Variants in AOC1 observed in about 807,000 individuals in gnomAD.
AOC1 encodes amine oxidase copper containing 1.
In AOC1, 58 loss-of-function variants were observed where a neutral mutation model predicts 57.1. The observed-to-expected ratio is 1.02, with a 90% CI of 0.82 to 1.26. The LOEUF (loss-of-function observed/expected upper bound fraction) is 1.26. Among genes scored for constraint, AOC1 ranks in the 50% most tolerant of loss-of-function variants. The pLI, the probability that AOC1 is intolerant of heterozygous loss-of-function variation, is 0.00. For synonymous variants in AOC1, 401 were observed against 423.4 expected, an observed-to-expected ratio of 0.95 and a Z score of 0.65; for missense variants, 917 against 1,005.3, an observed-to-expected ratio of 0.91 and a Z score of 1.19.
At chr7:150,860,237 G>C (rs951588737) in intron 3 of AOC1, among the ~76,000 whole-genome samples, 1 of 149,512 alleles carries the variant, frequency 6.7e-6, no homozygotes, top group Admixed American at 6.8e-5. Flanking sequence ...GACCCATGCA[G>C]CTCACACCTG....
chr7:150,854,451 A>T (rs1799714850), intron 1 of AOC1, among the ~76,000 whole-genome samples: 1 of 152,246 alleles, frequency 6.6e-6, no homozygotes, highest in Middle Eastern at 3.2e-3. Flanking sequence ...CCCATCGTGT[A>T]CAAATTAAAT....
intron 3 of AOC1, chr7:150,859,706 A>G (rs1001536841): frequency 2.0e-5 from 3 of 152,754 alleles, no homozygotes; most frequent in Admixed American, 6.6e-5. Flanking sequence ...AGTTCTCAAA[A>G]AAAAAAAAAA....
chr7:150,860,338 C>T (rs878888937), intron 3 of AOC1, 163 bp from the exon 4 acceptor site: 9 of 1,275,516 alleles, frequency 7.1e-6, no homozygotes, highest in African/African-American at 1.5e-5. Flanking sequence ...CACCTGAACC[C>T]GGTTAACAGC....
intron 3 of AOC1, 63 bp from the exon 4 acceptor site, chr7:150,860,438 G>A: frequency 1.9e-6 from 3 of 1,610,516 alleles, no homozygotes; most frequent in Non-Finnish European, 1.7e-6. Flanking sequence ...GCTGTTCCCT[G>A]GGCAGGACTG....
chr7:150,859,012 C>A lies in AOC1; in HGVS notation c.1820C>A (p.Pro607Gln). Residue 607 changes from proline to glutamine, a missense_variant, in exon 3 of 5, where the codon CCA becomes CAA. Physicochemically the swap from Pro to Gln is moderately conservative, Grantham distance 76. Coordinates refer to ENST00000360937, the MANE Select transcript of AOC1 (RefSeq NM_001091.4). Reference protein sequence around the residue: ...IHSMADQVLPPGWQEEQAITW... With the variant: ...IHSMADQVLPQGWQEEQAITW... Reference sequence around the variant, plus strand: ...TCCATGGCCGACCAGGTGCTGCCCCCAGGCTGGCAGGAGGAGCAGGCCATC... The same window carrying A: ...TCCATGGCCGACCAGGTGCTGCCCCAAGGCTGGCAGGAGGAGCAGGCCATC... The A allele has an allele frequency of 6.3e-7, 1 of 1,587,570 alleles. No homozygotes were observed.
rs747880594 is a variant in AOC1, at chr7:150,856,630, C to G, written c.160C>G (p.Leu54Val). The G allele has an allele frequency of 4.3e-6, 7 of 1,614,040 alleles. No homozygotes were observed. The highest frequency in any genetic ancestry group is 4.2e-6 in the Non-Finnish European group (5 of 1,179,980). ...VHSFLWSKKE[L>V]RLQPSSTTTM... ...CAGCTTCCTCTGGTCCAAGAAGGAGCTGAGGCTGCAGCCCTCCAGTACCAC... is the reference window on the plus strand; with the variant it reads ...CAGCTTCCTCTGGTCCAAGAAGGAGGTGAGGCTGCAGCCCTCCAGTACCAC... Residue 54 changes from leucine to valine, a missense_variant, in exon 2 of 5, where the codon CTG (leucine) becomes GTG (valine). Coordinates refer to ENST00000360937, the MANE Select transcript of AOC1 (RefSeq NM_001091.4). This position sits in a 1 kb window ranked among gnomAD's most constrained non-coding sequence, Gnocchi z 5.2.
chr7:150,861,371 T>C lies in AOC1; in HGVS notation c.*162T>C. 1.3e-6 allele frequency: 1 copy of C among 751,798 alleles called. No homozygotes were observed. Among genetic ancestry groups the C allele is most frequent in the Non-Finnish European group, 2.1e-6 (1 of 485,180 alleles). The allele number at this position is 751,798 out of a possible 1,614,324, so 46.6% of individuals were successfully genotyped here. ...GAACAGACGTGCACACACACAGACG[T>C]GCACACACACACAGACATGCACACA... On this transcript the variant is annotated 3_prime_UTR_variant, in exon 5 of 5. Coordinates refer to ENST00000360937, the MANE Select transcript of AOC1 (RefSeq NM_001091.4). This position sits in a 1 kb window ranked among gnomAD's most constrained non-coding sequence, Gnocchi z 4.5.
intron 4 of AOC1, 87 bp from the exon 5 acceptor site, chr7:150,860,856 G>A (rs1799948535): frequency 1.3e-6 from 2 of 1,511,482 alleles, no homozygotes; most frequent in East Asian, 2.3e-5. Context: ...AAGTTTCCAG[G>A]CAGAACTGAA....
At chr7:150,859,289 C>G (rs1035814869) in intron 3 of AOC1, among the ~76,000 whole-genome samples, 2 of 152,316 alleles carry the variant, frequency 1.3e-5, no homozygotes, top group Admixed American at 1.3e-4. Context: ...TACGAATAGC[C>G]TACTGTTAAC....
chr7:150,859,520 G>A (rs1006730966), intron 3 of AOC1, among the ~76,000 whole-genome samples: 30 of 151,612 alleles, frequency 2.0e-4, no homozygotes, highest in African/African-American at 6.3e-4. Context: ...TGGCTAACAC[G>A]GTGAAACCTC....
At chr7:150,860,724 A>G in intron 4 of AOC1, 91 bp downstream of exon 4, 4 of 1,497,798 alleles carry the variant, frequency 2.7e-6, no homozygotes, top group African/African-American at 1.4e-5. Flanking sequence ...GGGAGTCCCA[A>G]CCACCCTTTG....
At position 150,860,583 on chromosome 7, in the gene AOC1, C is replaced by T; in HGVS notation, c.1939C>T (p.Pro647Ser). 6.2e-7 allele frequency: 1 copy of T among 1,614,042 alleles called. No homozygotes were observed. The highest frequency in any genetic ancestry group is 1.3e-5 in the African/African-American group (1 of 75,026). Residue 647 changes from proline to serine, a missense_variant, in exon 4 of 5, where the codon CCC (proline) becomes TCC (serine). Pro to Ser is a moderately conservative substitution (Grantham distance 74, BLOSUM62 -1). Coordinates refer to ENST00000360937, the MANE Select transcript of AOC1 (RefSeq NM_001091.4). ...CCACCAGAACGACCCCTGGCACCCG[C>T]CCGTGGTCTTTGAGCAGTTTCTTCA... ...IYHQNDPWHPPVVFEQFLHNN... is the reference protein window; with the variant it reads ...IYHQNDPWHPSVVFEQFLHNN...
rs367694828 is a variant in AOC1, at chr7:150,857,456, G to A, written c.986G>A (p.Arg329His). ...YGGWSFAFRL[R>H]SSSGLQVLNV... ...GGCTGGAGCTTTGCCTTCCGGCTGCGCTCCTCCTCCGGGCTGCAGGTCCTG... is the reference window on the plus strand; with the variant it reads ...GGCTGGAGCTTTGCCTTCCGGCTGCACTCCTCCTCCGGGCTGCAGGTCCTG... Residue 329 changes from arginine to histidine, a missense_variant, in exon 2 of 5, where the codon CGC becomes CAC. Transcript: ENST00000360937. The surrounding 1 kb of genome is among the most constrained non-coding windows in gnomAD (Gnocchi z 6.6). The A allele has an allele frequency of 1.2e-5, 19 of 1,611,888 alleles. No homozygotes were observed. Among genetic ancestry groups the A allele is most frequent in the East Asian group, 6.7e-5 (3 of 44,874 alleles).
rs146909399 is a variant in AOC1 at position 150,858,788 on chromosome 7, G to A, written c.1596G>A (p.Leu532=). The A allele has an allele frequency of 2.0e-4, 318 of 1,609,588 alleles. 2 individuals carry two copies. The African/African-American group carries it at 3.9e-3, about 20-fold the overall frequency. ...VAGTKNSFQT[L]QMKLENITNP... ...GCACCAAGAACAGCTTCCAGACACTGCAGATGAAGCTAGAAAACATCACCA... is the reference window on the plus strand; with the variant it reads ...GCACCAAGAACAGCTTCCAGACACTACAGATGAAGCTAGAAAACATCACCA... The change falls in exon 3 of 5, where the codon CTG becomes CTA. Residue 532 remains leucine, a synonymous_variant. Transcript: ENST00000360937.
chr7:150,857,788 A>G lies in AOC1; in HGVS notation c.1318A>G (p.Asn440Asp). 6.2e-7 allele frequency: 1 copy of G among 1,614,186 alleles called. No individual in the cohort carries two copies. The highest frequency in any genetic ancestry group is 8.5e-7 in the Non-Finnish European group (1 of 1,180,006). ...HFNSNFKGGF[N>D]FYAGLKGQVL... ...TAATTCCAACTTTAAAGGTGGCTTC[A>G]ACTTCTATGCGGGGCTGAAGGGCCA... The change falls in exon 2 of 5, where the codon AAC (asparagine) becomes GAC (aspartate). Residue 440 changes from asparagine (N) to aspartate (D), a missense_variant. Physicochemically the swap from Asn to Asp is conservative, Grantham distance 23 (BLOSUM62 1). Transcript: ENST00000360937. The surrounding 1 kb of genome is among the most constrained non-coding windows in gnomAD (Gnocchi z 6.6).
chr7:150,860,636 A>T lies in AOC1; in HGVS notation c.1989+3A>T. 4 of 1,613,716 alleles carry T rather than the reference A, an allele frequency of 2.5e-6. No individual in the cohort carries two copies. Among genetic ancestry groups the T allele is most frequent in the Non-Finnish European group, 3.4e-6 (4 of 1,179,736 alleles). On this transcript the variant is annotated splice_donor_region_variant and intron_variant, in intron 4 of 4. Transcript: ENST00000360937. ...ACAACGAGAACATTGAAAATGAGGT[A>T]CTGCCCTGTCCCCAGCCCTGCCCGG...
chr7:150,859,718 A>AAAAAAG (rs1303747370), intron 3 of AOC1: 1 of 153,578 alleles, frequency 6.5e-6, no homozygotes, highest in East Asian at 1.9e-4. Flanking sequence ...AAAAAAAAAA[A>AAAAAAG]AAATCCTAAG....
chr7:150,857,971 C>T lies in AOC1; in HGVS notation c.1501C>T (p.Leu501=), dbSNP rs536263810. 575 of 1,594,170 alleles carry T rather than the reference C, an allele frequency of 3.6e-4. 4 individuals are homozygous for T. In the South Asian group the frequency reaches 6.1e-3, roughly 17 times the overall value. The change falls in exon 2 of 5, where the codon CTG becomes TTG. Residue 501 remains leucine (L), a synonymous_variant. Coordinates refer to ENST00000360937, the MANE Select transcript of AOC1 (RefSeq NM_001091.4). The surrounding 1 kb of genome is among the most constrained non-coding windows in gnomAD (Gnocchi z 6.6). ...TPEGLRHGTR[L]HTHLIGNIHT... ...CGAGGGGCTGCGCCACGGCACTCGC[C>T]TGCACACCCACCTGATTGGCAACAT...
Position 150,857,145 on chromosome 7 carries a change from C to T in AOC1, c.675C>T (p.Ser225=). 6.2e-7 allele frequency: 1 copy of T among 1,613,926 alleles called. No homozygotes were observed. The highest frequency in any genetic ancestry group is 8.5e-7 in the Non-Finnish European group (1 of 1,179,990). Residue 225 remains serine (S), a synonymous_variant, in exon 2 of 5, where the codon AGC becomes AGT. Transcript: ENST00000360937. This position sits in a 1 kb window ranked among gnomAD's most constrained non-coding sequence, Gnocchi z 6.6. ...TGLELLVDHG[S]TDAGHWAVEQ... ...TGGAGCTCCTCGTGGATCATGGGAGCACAGATGCTGGGCACTGGGCCGTGG... is the reference window on the plus strand; with the variant it reads ...TGGAGCTCCTCGTGGATCATGGGAGTACAGATGCTGGGCACTGGGCCGTGG...
Sources: gnomAD v4.1 joint callset for allele counts (sites outside exome capture counted in the v4.1 genomes callset) on GRCh38, gnomAD v4.1.1 for gene constraint, Gnocchi (gnomAD v3.1) non-coding constraint, MANE v1.5 for transcripts, NCBI Gene and HGNC (gene_info 2026-07-23, HGNC 2026-07-21) for gene names.